The following TTC28 variants were observed in gnomAD, a reference collection of about 807,000 sequenced individuals.
TTC28 encodes tetratricopeptide repeat domain 28, also known as tetratricopeptide repeat protein 28.
TTC28 carries 61 observed loss-of-function variants against 198.0 expected under a neutral mutation model. The ratio of observed to expected loss-of-function variants is 0.31; its 90% CI spans 0.25 to 0.38. TTC28 has a LOEUF of 0.38. Among genes scored for constraint, TTC28 ranks in the 10% least tolerant of loss-of-function variants. The pLI, the probability that TTC28 is intolerant of heterozygous loss-of-function variation, is 1.00. For synonymous variants in TTC28, 1,171 were observed against 1,297.8 expected, an observed-to-expected ratio of 0.90 and a Z score of 2.10; for missense variants, 2,678 against 3,164.0, an observed-to-expected ratio of 0.85 and a Z score of 3.69.
At chr22:28,515,730 A>G (rs567890617) in intron 2 of TTC28, among the ~76,000 whole-genome samples, 12 of 152,360 alleles carry the variant, frequency 7.9e-5, no homozygotes, top group Middle Eastern at 3.4e-3. Context: ...AAATTTTACA[A>G]ATTACAAAAT....
chr22:28,143,766 T>C (rs1335164399), intron 6 of TTC28, among the ~76,000 whole-genome samples: 5 of 152,158 alleles, frequency 3.3e-5, no homozygotes, highest in Non-Finnish European at 7.4e-5. Context: ...TCTAAAATGT[T>C]AAAACAGGGA....
intron 6 of TTC28, among the ~76,000 whole-genome samples, chr22:28,134,551 GC>G (rs1256907357): frequency 2.6e-5 from 4 of 152,164 alleles, no homozygotes; most frequent in Non-Finnish European, 4.4e-5. Flanking sequence ...CATGATGAAT[GC>G]ACAAGCTTCA....
intron 4 of TTC28, among the ~76,000 whole-genome samples, chr22:28,297,158 C>T (rs2044914229): frequency 6.6e-6 from 1 of 152,086 alleles, no homozygotes; most frequent in East Asian, 1.9e-4. Context: ...GCTGTAAAGA[C>T]CTGAATAGTC....
intron 5 of TTC28, among the ~76,000 whole-genome samples, chr22:28,192,096 A>G (rs925271410): frequency 8.5e-5 from 13 of 152,330 alleles, no homozygotes; most frequent in South Asian, 4.1e-4. Context: ...CAAAACTTCC[A>G]GAGGAACGAT....
At chr22:28,550,463 T>A (rs1278110976) in intron 2 of TTC28, among the ~76,000 whole-genome samples, 3 of 152,140 alleles carry the variant, frequency 2.0e-5, no homozygotes, top group African/African-American at 7.2e-5. Context: ...TGGTCAGGGA[T>A]TAACTGTAAC....
intron 1 of TTC28, among the ~76,000 whole-genome samples, chr22:28,657,882 A>G (rs1426955296): frequency 6.8e-6 from 1 of 147,772 alleles, no homozygotes; most frequent in Non-Finnish European, 1.5e-5. Context: ...CACTCCATCT[A>G]AAAAAAAAAA....
chr22:28,613,010 T>TG (rs1445500462), intron 2 of TTC28, among the ~76,000 whole-genome samples: 1 of 151,870 alleles, frequency 6.6e-6, no homozygotes, highest in Non-Finnish European at 1.5e-5. Context: ...GATAGAGACA[T>TG]GAAAAACCCT....
intron 12 of TTC28, among the ~76,000 whole-genome samples, chr22:28,030,802 C>G (rs1939044018): frequency 6.6e-6 from 1 of 152,352 alleles, no homozygotes; most frequent in Admixed American, 6.5e-5. Context: ...ATTCCAGAAA[C>G]AGTAACTAAA....
intron 1 of TTC28, among the ~76,000 whole-genome samples, chr22:28,638,295 C>T (rs1024631530): frequency 2.6e-5 from 4 of 151,942 alleles, no homozygotes; most frequent in African/African-American, 9.7e-5. Flanking sequence ...TATAAAAAAA[C>T]TTATCCCCTC....
At chr22:28,624,011 A>T (rs1345436403) in intron 2 of TTC28, among the ~76,000 whole-genome samples, 1 of 152,198 alleles carries the variant, frequency 6.6e-6, no homozygotes, top group Non-Finnish European at 1.5e-5. Context: ...AAATGCAAAA[A>T]AAAGTAGAAA....
intron 2 of TTC28, among the ~76,000 whole-genome samples, chr22:28,357,124 T>C (rs960600728): frequency 1.3e-5 from 2 of 151,776 alleles, no homozygotes; most frequent in Admixed American, 1.3e-4. Context: ...CTCAGAAAAA[T>C]GAAATGCATT....
At chr22:27,994,975 A>ACTGGGGGCACG (rs1480034344) in intron 17 of TTC28, among the ~76,000 whole-genome samples, 1 of 152,174 alleles carries the variant, frequency 6.6e-6, no homozygotes, top group African/African-American at 2.4e-5. Flanking sequence ...CCTCGAGCCA[A>ACTGGGGGCACG]CTGGGGGCAC....
chr22:28,124,578 T>C (rs779815998), intron 6 of TTC28, among the ~76,000 whole-genome samples: 10 of 152,162 alleles, frequency 6.6e-5, no homozygotes, highest in Non-Finnish European at 1.0e-4. Flanking sequence ...AGGTCACACA[T>C]CTAGAAAGGG....
chr22:28,391,569 C>T (rs1394047046), intron 2 of TTC28, among the ~76,000 whole-genome samples: 3 of 152,134 alleles, frequency 2.0e-5, no homozygotes, highest in Admixed American at 1.3e-4. Context: ...CTAAACTTCC[C>T]TTCTTGCTTC....
At chr22:28,246,616 A>T (rs1452472968) in intron 5 of TTC28, among the ~76,000 whole-genome samples, 1 of 152,206 alleles carries the variant, frequency 6.6e-6, no homozygotes, top group Non-Finnish European at 1.5e-5. Flanking sequence ...AAATTACCTC[A>T]CTGAATCCTC....
intron 2 of TTC28, among the ~76,000 whole-genome samples, chr22:28,471,087 A>T (rs1016029157): frequency 2.6e-5 from 4 of 152,216 alleles, no homozygotes; most frequent in African/African-American, 9.6e-5. Context: ...ACAATGAAAA[A>T]TGAGCAGGTT....
chr22:28,331,999 C>T (rs2045623701), intron 2 of TTC28, among the ~76,000 whole-genome samples: 1 of 151,992 alleles, frequency 6.6e-6, no homozygotes, highest in African/African-American at 2.4e-5. Flanking sequence ...ATTAAGAAAC[C>T]CATTTCAAGC....
At chr22:28,063,857 G>C (rs2146748039) in intron 12 of TTC28, among the ~76,000 whole-genome samples, 1 of 152,218 alleles carries the variant, frequency 6.6e-6, no homozygotes, top group South Asian at 2.1e-4. Flanking sequence ...TGAGGGAATG[G>C]AGAGAAGAGT....
intron 5 of TTC28, among the ~76,000 whole-genome samples, chr22:28,190,188 T>C (rs1418966149): frequency 6.6e-6 from 1 of 152,224 alleles, no homozygotes; most frequent in Non-Finnish European, 1.5e-5. Context: ...AATAACTTCT[T>C]AAAATATCAG....
Sources: gnomAD v4.1 joint callset for allele counts (sites outside exome capture counted in the v4.1 genomes callset) on GRCh38, gnomAD v4.1.1 for gene constraint, MANE v1.5 for transcripts, NCBI Gene and HGNC (gene_info 2026-07-23, HGNC 2026-07-21) for gene names.